Variants in SRRM1 observed in about 807,000 individuals in gnomAD.
SRRM1 encodes serine/arginine repetitive matrix protein 1.
SRRM1 carries 19 observed loss-of-function variants against 110.2 expected under a neutral mutation model. The ratio of observed to expected loss-of-function variants is 0.17; its 90% CI spans 0.12 to 0.25. SRRM1 has a LOEUF of 0.25. Ranked by LOEUF, SRRM1 falls within the 10% of genes least tolerant of loss-of-function variation. The probability of loss-of-function intolerance (pLI) is 1.00; values close to 1 mark genes in which losing one functional copy is unlikely to be tolerated. For synonymous variants in SRRM1, 443 were observed against 414.9 expected, an observed-to-expected ratio of 1.07 and a Z score of -0.82; for missense variants, 918 against 1,145.8, an observed-to-expected ratio of 0.80 and a Z score of 2.87.
In SRRM1 at chr1:24,643,312, G is replaced by A. The variant is rs770462328; in HGVS notation, c.-15G>A. ...TACCCTGGGATAGGGAGCGATCTCC[G>A]AGCGAGGCGGCAAGATGGACGCGGG... On this transcript the variant is annotated 5_prime_UTR_variant, in exon 1 of 17. Coordinates refer to ENST00000323848, the MANE Select transcript of SRRM1 (RefSeq NM_005839.4). The A allele has an allele frequency of 1.3e-5, 20 of 1,565,944 alleles. No homozygotes were observed. The East Asian group carries it at 3.4e-4, about 27-fold the overall frequency.
rs563710150 is a variant in SRRM1, at chr1:24,660,650, TAAAAG to T, written c.1316-63_1316-59del. 322 of 733,462 alleles carry T rather than the reference TAAAAG, an allele frequency of 4.4e-4. 1 individual carries two copies. Among genetic ancestry groups the T allele is most frequent in the African/African-American group, 4.2e-3 (229 of 54,870 alleles). 45.4% of individuals were successfully genotyped at this position (733,462 alleles called of 1,614,324 possible). On this transcript the variant is annotated intron_variant, in intron 9 of 16. Transcript: ENST00000323848. ...AAAATAATAATAAATTTTTAAAAATTAAAAGAAAAGCATCTTGTATAGACCTTTTT... is the reference window on the plus strand; with the variant it reads ...AAAATAATAATAAATTTTTAAAAATTAAAAGCATCTTGTATAGACCTTTTT...
At chr1:24,657,082 C>T (rs1557694628) in intron 9 of SRRM1, among the ~76,000 whole-genome samples, 1 of 152,114 alleles carries the variant, frequency 6.6e-6, no homozygotes, top group Non-Finnish European at 1.5e-5. Context: ...AACCTCTCCC[C>T]ACCACCCCGC....
intron 1 of SRRM1, 56 bp from the exon 2 acceptor site, chr1:24,645,927 TA>T: frequency 6.8e-7 from 1 of 1,478,566 alleles, no homozygotes; most frequent in Non-Finnish European, 9.3e-7. Flanking sequence ...TCGTAGGTGA[TA>T]AAAAGTAAGG....
chr1:24,659,623 T>C (rs1666098040), intron 9 of SRRM1, among the ~76,000 whole-genome samples: 1 of 152,214 alleles, frequency 6.6e-6, no homozygotes, highest in Non-Finnish European at 1.5e-5. Flanking sequence ...GGCCTAAAAA[T>C]AGATTCTTGG....
intron 12 of SRRM1, among the ~76,000 whole-genome samples, chr1:24,663,674 C>G (rs1571002235): frequency 6.6e-6 from 1 of 151,818 alleles, no homozygotes; most frequent in African/African-American, 2.4e-5. Flanking sequence ...GTCAGGAGAT[C>G]AAGACCATCC....
chr1:24,645,636 A>G (rs562256452), intron 1 of SRRM1, among the ~76,000 whole-genome samples: 33 of 152,338 alleles, frequency 2.2e-4, no homozygotes, highest in Middle Eastern at 3.4e-3. Context: ...AAATACTTCA[A>G]TGTGTTCTCA....
intron 9 of SRRM1, among the ~76,000 whole-genome samples, chr1:24,655,369 T>C (rs1663460695): frequency 6.6e-6 from 1 of 152,214 alleles, no homozygotes; most frequent in Non-Finnish European, 1.5e-5. Context: ...TGGAGAAATC[T>C]TTTACCAGCC....
chr1:24,660,752 C>G lies in SRRM1; in HGVS notation c.1349C>G (p.Ser450Cys). Residue 450 changes from serine to cysteine, a missense_variant, in exon 10 of 17, where the codon TCC (serine) becomes TGC (cysteine). Around this residue, in one of 5 missense-constraint regions of SRRM1, gnomAD observed 456 missense variants for 453.5 expected, o/e 1.01. Coordinates refer to ENST00000323848, the MANE Select transcript of SRRM1 (RefSeq NM_005839.4). ...CATAAAGGTACTGAGAAAAGAGAAT[C>G]CCCTTCACCAGCACCGAAGCCTAGA... ...TKHKGTEKRE[S>C]PSPAPKPRKV... 6.3e-7 allele frequency: 1 copy of G among 1,588,070 alleles called. No individual in the cohort carries two copies. Among genetic ancestry groups the G allele is most frequent in the Non-Finnish European group, 8.6e-7 (1 of 1,169,010 alleles).
chr1:24,663,878 A>AAATAATAACAATAAT (rs1381542223), intron 12 of SRRM1, among the ~76,000 whole-genome samples: 1 of 141,514 alleles, frequency 7.1e-6, no homozygotes, highest in East Asian at 2.0e-4. Context: ...TCCCTCTCAA[A>AAATAATAACAATAAT]AATAATAATA....
rs200472339 is a variant in SRRM1 at position 24,660,812 on chromosome 1, T to G, written c.1396+13T>G. ...TTATCTGAATCGGGTAAGTTTGTTG[T>G]TTTTTTTTGTGATTTTGGTTTGTTT... On this transcript the variant is annotated intron_variant, in intron 10 of 16. Transcript: ENST00000323848. 43 of 1,511,372 alleles carry G rather than the reference T, an allele frequency of 2.8e-5. No individual in the cohort carries two copies. Among genetic ancestry groups the G allele is most frequent in the South Asian group, 3.7e-5 (3 of 81,006 alleles). 93.6% of individuals were successfully genotyped at this position (1,511,372 alleles called of 1,614,324 possible).
At chr1:24,669,659 C>G (rs1455498840) in intron 14 of SRRM1, 72 bp downstream of exon 14, 2 of 1,169,112 alleles carry the variant, frequency 1.7e-6, no homozygotes, top group African/African-American at 3.1e-5. Context: ...TCCCCCCACC[C>G]CCATATAAAA....
intron 8 of SRRM1, 150 bp from the exon 9 acceptor site, chr1:24,654,705 T>C (rs1247391358): frequency 9.1e-6 from 8 of 881,304 alleles, no homozygotes; most frequent in Non-Finnish European, 1.4e-5. Flanking sequence ...TATGGTTTTT[T>C]CCCCCATTCT....
At chr1:24,656,952 G>A (rs1048590440) in intron 9 of SRRM1, among the ~76,000 whole-genome samples, 1 of 152,150 alleles carries the variant, frequency 6.6e-6, no homozygotes, top group Non-Finnish European at 1.5e-5. Context: ...GTATTTCTGT[G>A]GGTTTTGGGA....
At position 24,660,955 on chromosome 1, in the gene SRRM1, A is replaced by G; in HGVS notation, c.1396+156A>G. 3 of 553,744 alleles carry G rather than the reference A, an allele frequency of 5.4e-6. No individual in the cohort carries two copies. In the East Asian group the frequency reaches 9.0e-5, roughly 17 times the overall value. 34.3% of individuals were successfully genotyped at this position (553,744 alleles called of 1,614,324 possible). Reference sequence around the variant, plus strand: ...CTGAAGGCAGACAGACTTGGGTGGAATCCCCCATTCCAGAATTTAACTGTT... The same window carrying G: ...CTGAAGGCAGACAGACTTGGGTGGAGTCCCCCATTCCAGAATTTAACTGTT... On this transcript the variant is annotated intron_variant, in intron 10 of 16. Transcript: ENST00000323848.
At chr1:24,662,445 G>A (rs1266869307) in intron 11 of SRRM1, among the ~76,000 whole-genome samples, 3 of 152,134 alleles carry the variant, frequency 2.0e-5, no homozygotes, top group African/African-American at 7.2e-5. Context: ...ATCTTGATTG[G>A]ATTACACTGT....
In SRRM1 at chr1:24,671,796, CT is replaced by C. The variant is rs147129638; in HGVS notation, c.2610+212del. On this transcript the variant is annotated intron_variant, in intron 16 of 16. Coordinates refer to ENST00000323848, the MANE Select transcript of SRRM1 (RefSeq NM_005839.4). ...TATCAGTTGTGCAGCGATCCCCACA[CT>C]TTTTTTTTTTATAAAGGTGACTTAT... 9.2e-3 allele frequency among the ~76,000 whole-genome samples: 1,340 copies of C among 145,490 alleles called. 5 individuals are homozygous for C. Among genetic ancestry groups the C allele is most frequent in the Middle Eastern group, 0.018 (5 of 282 alleles).
intron 13 of SRRM1, among the ~76,000 whole-genome samples, chr1:24,668,422 C>A (rs1433329624): frequency 6.6e-6 from 1 of 152,134 alleles, no homozygotes; most frequent in Non-Finnish European, 1.5e-5. Context: ...TAAGTAATTA[C>A]CCAGATACAG....
At position 24,655,280 on chromosome 1, in the gene SRRM1, T is replaced by G; in HGVS notation, c.1315+151T>G. 3 of 976,324 alleles carry G rather than the reference T, an allele frequency of 3.1e-6. 1 individual carries two copies. Among genetic ancestry groups the G allele is most frequent in the Non-Finnish European group, 4.4e-6 (3 of 677,218 alleles). The allele number at this position is 976,324 out of a possible 1,614,324, so 60.5% of individuals were successfully genotyped here. On this transcript the variant is annotated intron_variant, in intron 9 of 16. Transcript: ENST00000323848. ...GTAGGTTTACTTATAAGCCTACCTC[T>G]TTCCTGCTTTAAAATCTTGGGGCTT...
chr1:24,650,706 A>G (rs1184862996), intron 5 of SRRM1: 1 of 152,156 alleles, frequency 6.6e-6, no homozygotes, highest in Non-Finnish European at 1.5e-5. Context: ...TAGTAAAGAG[A>G]AGAGGTAATT....
Sources: gnomAD v4.1 joint callset for allele counts (sites outside exome capture counted in the v4.1 genomes callset) on GRCh38, gnomAD v4.1.1 for gene constraint, gnomAD v4.1.1 regional missense constraint, MANE v1.5 for transcripts, NCBI Gene and HGNC (gene_info 2026-07-23, HGNC 2026-07-21) for gene names.